Variants in NUP210L observed in about 807,000 individuals in gnomAD.
NUP210L encodes nucleoporin 210 like.
In NUP210L, 74 loss-of-function variants were observed where a neutral mutation model predicts 208.5. That is an observed-to-expected ratio of 0.35 (90% CI 0.29 to 0.43). The LOEUF is 0.43. NUP210L is among the 20% of genes least tolerant of loss of function. The pLI is 1.00. For synonymous variants in NUP210L, 780 were observed against 816.9 expected (o/e 0.95, Z 0.77); for missense variants, 1,843 against 2,289.4 (o/e 0.81, Z 3.98).
chr1:154,143,612 A>G (rs77218776), intron 2 of NUP210L, 35 bp from the exon 3 acceptor site: 2 of 1,580,220 alleles, frequency 1.3e-6, no homozygotes, highest in Non-Finnish European at 1.7e-6. Context: ...ATTTAATTCA[A>G]TAGGTCATGA....
intron 14 of NUP210L, among the ~76,000 whole-genome samples, chr1:154,098,281 C>T (rs1182886087): frequency 6.6e-6 from 1 of 152,202 alleles, no homozygotes; most frequent in African/African-American, 2.4e-5. Flanking sequence ...GCTTGGGGAG[C>T]TCCCAGGTCT....
intron 14 of NUP210L, among the ~76,000 whole-genome samples, chr1:154,097,961 C>G (rs1486517364): frequency 6.6e-6 from 1 of 152,200 alleles, no homozygotes; most frequent in East Asian, 1.9e-4. Context: ...ATCCACTCGG[C>G]CTGGCAGGCT....
At chr1:154,078,509 C>T (rs1655155779) in intron 16 of NUP210L, among the ~76,000 whole-genome samples, 1 of 151,474 alleles carries the variant, frequency 6.6e-6, no homozygotes, top group Non-Finnish European at 1.5e-5. Flanking sequence ...GCAGGAGAAT[C>T]ACTTGAGCCT....
exon 40 of NUP210L, chr1:153,992,730 G>A: frequency 2.7e-6 from 2 of 739,596 alleles, no homozygotes; most frequent in South Asian, 3.7e-5. Context: ...ATAGTTCTCA[G>A]AAGCCTTATC....
intron 17 of NUP210L, among the ~76,000 whole-genome samples, chr1:154,067,800 AACAG>A (rs1390847765): frequency 6.6e-5 from 10 of 152,296 alleles, no homozygotes; most frequent in African/African-American, 2.4e-4. Context: ...GTACACCAAT[AACAG>A]ACAAACAGAG....
At chr1:154,020,366 C>CT (rs1009535014) in intron 32 of NUP210L, among the ~76,000 whole-genome samples, 29 of 151,956 alleles carry the variant, frequency 1.9e-4, no homozygotes, top group African/African-American at 6.3e-4. Flanking sequence ...ATTTCCTTTT[C>CT]TTTTTTTTGA....
At chr1:154,044,623 T>C (rs1438616023) in intron 27 of NUP210L, among the ~76,000 whole-genome samples, 1 of 152,188 alleles carries the variant, frequency 6.6e-6, no homozygotes, top group Non-Finnish European at 1.5e-5. Flanking sequence ...AAGTTCTCTT[T>C]TCTTTTTAGC....
At chr1:154,051,474 A>C (rs1307979895) in intron 25 of NUP210L, among the ~76,000 whole-genome samples, 1 of 152,118 alleles carries the variant, frequency 6.6e-6, no homozygotes, top group Non-Finnish European at 1.5e-5. Context: ...TCAGCCTCCC[A>C]AAGTGCCGGG....
At chr1:153,995,803 GC>G in intron 37 of NUP210L, 1 of 643,630 alleles carries the variant, frequency 1.6e-6, no homozygotes. Flanking sequence ...AGGGATTCGT[GC>G]CGTAAAACCT....
intron 6 of NUP210L, 126 bp downstream of exon 6, chr1:154,137,980 A>C: frequency 6.3e-6 from 4 of 632,380 alleles, no homozygotes; most frequent in Non-Finnish European, 1.0e-5. Context: ...TAAGTACAGC[A>C]ATTAACACTT....
intron 10 of NUP210L, among the ~76,000 whole-genome samples, chr1:154,122,433 G>C (rs1657659742): frequency 1.3e-5 from 2 of 152,130 alleles, no homozygotes; most frequent in African/African-American, 2.4e-5. Flanking sequence ...GAGGCAGGCA[G>C]ATCATGAGGT....
At position 154,148,735 on chromosome 1, in the gene NUP210L, A is replaced by G. The variant is rs148306473; in HGVS notation, c.340+4001T>C. ...CTTGATTAACATTTAACTGACAAAC[A>G]GAACCCCAAGTTAAAATAATTAAAG... is the stretch of plus-strand genomic sequence containing the variant. On this transcript the variant is annotated intron_variant, in intron 2 of 39. Transcript: ENST00000368559. Among the ~76,000 whole-genome samples, 384 of 152,308 alleles carry G rather than the reference A, an allele frequency of 2.5e-3. 1 individual carries two copies. The highest frequency in any genetic ancestry group is 8.9e-3 in the African/African-American group (370 of 41,558).
At chr1:154,085,598 A>C (rs1267756280) in intron 16 of NUP210L, among the ~76,000 whole-genome samples, 1 of 152,124 alleles carries the variant, frequency 6.6e-6, no homozygotes, top group African/African-American at 2.4e-5. Context: ...CCCTATCAAA[A>C]TCTCTGCTGG....
At chr1:154,029,058 G>T (rs1652067100) in intron 28 of NUP210L, among the ~76,000 whole-genome samples, 1 of 151,108 alleles carries the variant, frequency 6.6e-6, no homozygotes. Flanking sequence ...ACTCCAGCCT[G>T]GGTGACAGAG....
intron 34 of NUP210L, among the ~76,000 whole-genome samples, chr1:154,010,762 C>T (rs1182985686): frequency 2.6e-5 from 4 of 151,510 alleles, no homozygotes; most frequent in African/African-American, 4.8e-5. Flanking sequence ...CCCAGCTACT[C>T]GGGAGGCTGA....
chr1:153,995,283 A>T (rs1327433663), intron 37 of NUP210L, 103 bp from the exon 38 acceptor site: 4 of 783,078 alleles, frequency 5.1e-6, no homozygotes, highest in Admixed American at 2.3e-5. Flanking sequence ...TTTTACTCTC[A>T]CTCTGTCCCC....
At chr1:154,102,686 T>C (rs1357404935) in intron 13 of NUP210L, among the ~76,000 whole-genome samples, 1 of 152,206 alleles carries the variant, frequency 6.6e-6, no homozygotes, top group Non-Finnish European at 1.5e-5. Context: ...ACTGTCATTA[T>C]ATTGATGAAA....
intron 17 of NUP210L, among the ~76,000 whole-genome samples, chr1:154,062,432 A>C (rs1654185369): frequency 6.6e-6 from 1 of 151,966 alleles, no homozygotes; most frequent in South Asian, 2.1e-4. Context: ...AACTGTTCTT[A>C]ATTAGATCAA....
chr1:153,995,274 T>G (rs1002528929), intron 37 of NUP210L, 94 bp from the exon 38 acceptor site: 2 of 866,414 alleles, frequency 2.3e-6, no homozygotes, highest in Admixed American at 4.3e-5. Context: ...GAGACAGAGT[T>G]TTACTCTCAC....
Sources: allele counts gnomAD v4.1 joint callset (sites outside exome capture counted in the v4.1 genomes callset), GRCh38; gene constraint gnomAD v4.1.1; transcripts MANE v1.5; gene names NCBI Gene and HGNC (gene_info 2026-07-23, HGNC 2026-07-21).